The following EPHB1 variants were observed in gnomAD, a reference collection of about 807,000 sequenced individuals.
EPHB1 encodes the protein ephrin type-B receptor 1.
Under a neutral mutation model 94.4 loss-of-function variants are expected in EPHB1, and 30 were observed. The ratio of observed to expected loss-of-function variants is 0.32; its 90% CI spans 0.24 to 0.43. The LOEUF (loss-of-function observed/expected upper bound fraction) is 0.43, where lower values mean the gene tolerates loss of function less well. Ranked by LOEUF, EPHB1 falls within the 20% of genes least tolerant of loss-of-function variation. The pLI, the probability that EPHB1 is intolerant of heterozygous loss-of-function variation, is 1.00. For synonymous variants in EPHB1, 522 were observed against 489.1 expected (o/e 1.07, Z -0.89); for missense variants, 1,055 against 1,308.3 (o/e 0.81, Z 2.99).
At chr3:134,978,464 C>G (rs1934277133) in intron 3 of EPHB1, among the ~76,000 whole-genome samples, 1 of 152,198 alleles carries the variant, frequency 6.6e-6, no homozygotes, top group Non-Finnish European at 1.5e-5. Context: ...AGCTCCATCT[C>G]CTGCAGCCCC....
chr3:134,929,943 G>A (rs1450720243), intron 2 of EPHB1, among the ~76,000 whole-genome samples: 3 of 152,212 alleles, frequency 2.0e-5, no homozygotes, highest in Non-Finnish European at 4.4e-5. Flanking sequence ...CCAAAAAGGA[G>A]GGAAAGTCCT....
At chr3:134,805,691 C>G (rs2036030276) in intron 1 of EPHB1, among the ~76,000 whole-genome samples, 1 of 152,280 alleles carries the variant, frequency 6.6e-6, no homozygotes, top group African/African-American at 2.4e-5. Flanking sequence ...CTCATCTGTC[C>G]CGTGTGCCTC....
In EPHB1 at chr3:135,203,386, G is replaced by A. The variant is rs78510082; in HGVS notation, c.2346+1697G>A. Among the ~76,000 whole-genome samples, 22 of 152,170 alleles carry A rather than the reference G, an allele frequency of 1.4e-4. No individual in the cohort carries two copies. The East Asian group carries it at 3.9e-3, about 27-fold the overall frequency. On this transcript the variant is annotated intron_variant, in intron 12 of 15. Coordinates refer to ENST00000398015, the MANE Select transcript of EPHB1 (RefSeq NM_004441.5). ...TATGAAACAAACCTGCATATTCTGT[G>A]TGTGTATCCCAGAACTTAAAGTAAA... is the stretch of plus-strand genomic sequence containing the variant.
chr3:135,217,043 G>T (rs1943164712), intron 12 of EPHB1, among the ~76,000 whole-genome samples: 1 of 152,092 alleles, frequency 6.6e-6, no homozygotes, highest in African/African-American at 2.4e-5. Context: ...TCAAAGAGGG[G>T]ATCCATAAGA....
intron 1 of EPHB1, among the ~76,000 whole-genome samples, chr3:134,883,980 G>A (rs1045771037): frequency 3.9e-5 from 6 of 152,202 alleles, no homozygotes; most frequent in African/African-American, 1.4e-4. Flanking sequence ...AAGAAATGCA[G>A]CCACCATGAA....
At chr3:134,929,809 A>T (rs1214856908) in intron 2 of EPHB1, among the ~76,000 whole-genome samples, 1 of 152,132 alleles carries the variant, frequency 6.6e-6, no homozygotes. Context: ...GCAGAGGAGG[A>T]TGAACTTCAT....
chr3:134,919,417 T>C (rs1039550198), intron 1 of EPHB1, among the ~76,000 whole-genome samples: 1 of 152,206 alleles, frequency 6.6e-6, no homozygotes, highest in Admixed American at 6.5e-5. Context: ...CTTAACAGTT[T>C]ACAGTCAACC....
intron 3 of EPHB1, among the ~76,000 whole-genome samples, chr3:135,018,914 G>A (rs542194490): frequency 5.9e-5 from 9 of 152,254 alleles, no homozygotes; most frequent in African/African-American, 9.6e-5. Context: ...AATGAGCCTC[G>A]CCAGCTGATA....
In EPHB1 at chr3:134,872,450, C is replaced by T. The variant is rs75528495; in HGVS notation, c.59-53366C>T. Among the ~76,000 whole-genome samples, 1,268 of 152,296 alleles carry T rather than the reference C, an allele frequency of 8.3e-3. 11 individuals carry two copies. Among genetic ancestry groups the T allele is most frequent in the Non-Finnish European group, 0.013 (906 of 68,030 alleles). Reference sequence around the variant, plus strand: ...TGTAAAGGAGTCCAGGAACATTAAGCAGAATTTGCCATTTTCATGCAAAGC... The same window carrying T: ...TGTAAAGGAGTCCAGGAACATTAAGTAGAATTTGCCATTTTCATGCAAAGC... On this transcript the variant is annotated intron_variant, in intron 1 of 15. Transcript: ENST00000398015.
intron 9 of EPHB1, among the ~76,000 whole-genome samples, chr3:135,179,417 C>T (rs978071436): frequency 2.0e-5 from 3 of 152,142 alleles, no homozygotes; most frequent in Non-Finnish European, 4.4e-5. Flanking sequence ...GCACCACAGC[C>T]GTCAGTTATA....
At chr3:135,019,297 C>G (rs1169954084) in intron 3 of EPHB1, among the ~76,000 whole-genome samples, 1 of 152,040 alleles carries the variant, frequency 6.6e-6, no homozygotes, top group African/African-American at 2.4e-5. Flanking sequence ...ATCTGGGGTC[C>G]CTTAGGCTGG....
chr3:135,180,977 C>T (rs1226810250), intron 10 of EPHB1, among the ~76,000 whole-genome samples: 7 of 152,108 alleles, frequency 4.6e-5, no homozygotes, highest in Non-Finnish European at 8.8e-5. Context: ...TTGGGAAAGC[C>T]ATGGAATTGC....
At chr3:135,025,088 ACCTT>A (rs1169238486) in intron 3 of EPHB1, among the ~76,000 whole-genome samples, 3 of 139,804 alleles carry the variant, frequency 2.1e-5, no homozygotes, top group Non-Finnish European at 3.1e-5. Flanking sequence ...TATCTATACA[ACCTT>A]CCTTCCTTCC....
At chr3:135,041,687 C>T (rs1001449842) in intron 3 of EPHB1, among the ~76,000 whole-genome samples, 81 of 152,274 alleles carry the variant, frequency 5.3e-4, no homozygotes, top group African/African-American at 1.9e-3. Context: ...AGTATAAGTA[C>T]GTCCCTGTTT....
At chr3:134,843,246 A>G (rs902643940) in intron 1 of EPHB1, among the ~76,000 whole-genome samples, 5 of 152,286 alleles carry the variant, frequency 3.3e-5, no homozygotes, top group Admixed American at 1.3e-4. Flanking sequence ...GTTTCCGAAA[A>G]GAAGTCATAT....
intron 1 of EPHB1, among the ~76,000 whole-genome samples, chr3:134,830,632 G>A (rs1240742296): frequency 2.0e-5 from 3 of 151,962 alleles, no homozygotes; most frequent in Non-Finnish European, 4.4e-5. Flanking sequence ...CTTGGAAGGG[G>A]GTGCTTATTA....
intron 1 of EPHB1, among the ~76,000 whole-genome samples, chr3:134,920,369 T>C (rs1460145534): frequency 6.6e-6 from 1 of 152,186 alleles, no homozygotes; most frequent in East Asian, 1.9e-4. Flanking sequence ...GCAGCTTTGT[T>C]CTTGAGCTAT....
intron 15 of EPHB1, among the ~76,000 whole-genome samples, chr3:135,255,687 T>A (rs181744922): frequency 0.22 from 32,832 of 148,472 alleles, 3,752 homozygotes; most frequent in East Asian, 0.31. Context: ...AAAAAAGTGT[T>A]TATTCTGTTG....
chr3:135,141,080 G>T (rs568606790), intron 5 of EPHB1, among the ~76,000 whole-genome samples: 2 of 151,934 alleles, frequency 1.3e-5, no homozygotes, highest in South Asian at 4.2e-4. Context: ...TAGCCAAACT[G>T]CAGGAAAACC....
Sources: gnomAD v4.1 joint callset for allele counts (sites outside exome capture counted in the v4.1 genomes callset) on GRCh38, gnomAD v4.1.1 for gene constraint, MANE v1.5 for transcripts, NCBI Gene and HGNC (gene_info 2026-07-23, HGNC 2026-07-21) for gene names.